Variants in GPATCH1 observed in about 807,000 individuals in gnomAD.
GPATCH1 encodes G patch domain-containing protein 1.
Under a neutral mutation model 114.9 loss-of-function variants are expected in GPATCH1, and 73 were observed. The ratio of observed to expected loss-of-function variants is 0.64; its 90% CI spans 0.53 to 0.77. The LOEUF (loss-of-function observed/expected upper bound fraction) is 0.77. GPATCH1 is among the 30% of genes least tolerant of loss of function. GPATCH1 has a pLI of 0.00. For synonymous variants in GPATCH1, 391 were observed against 428.4 expected (o/e 0.91, Z 1.08); for missense variants, 1,058 against 1,144.3 (o/e 0.92, Z 1.09).
chr19:33,103,765 C>G (rs1303039021), intron 9 of GPATCH1, among the ~76,000 whole-genome samples: 1 of 152,066 alleles, frequency 6.6e-6, no homozygotes, highest in East Asian at 1.9e-4. Context: ...CTCACTGGTC[C>G]TTAGGATAAA....
intron 19 of GPATCH1, among the ~76,000 whole-genome samples, chr19:33,129,909 G>A (rs1017837439): frequency 1.1e-4 from 16 of 149,156 alleles, no homozygotes; most frequent in African/African-American, 3.7e-4. Context: ...GCACCACTGC[G>A]CTCCAGCCTG....
chr19:33,090,176 G>A (rs538343050), intron 2 of GPATCH1, among the ~76,000 whole-genome samples: 2 of 152,284 alleles, frequency 1.3e-5, no homozygotes, highest in South Asian at 4.1e-4. Context: ...CGGTAACCGT[G>A]GTCAGGGAAC....
At position 33,109,633 on chromosome 19, in the gene GPATCH1, G is replaced by C. The variant is rs1972826680; in HGVS notation, c.1286-84G>C. 3.8e-6 allele frequency: 3 copies of C among 786,490 alleles called. No homozygotes were observed. The East Asian group carries it at 8.3e-5, about 22-fold the overall frequency. 48.7% of individuals were successfully genotyped at this position (786,490 alleles called of 1,614,324 possible). A position where few individuals can be genotyped will look rare whatever the true frequency, so the allele number is the denominator to read the frequency against. On this transcript the variant is annotated intron_variant, in intron 10 of 19. Transcript: ENST00000170564. ...CTCATCCCCAATTATGTAAATTTGT[G>C]TTATTGAAATGTATGTACAGAGAAA...
intron 17 of GPATCH1, among the ~76,000 whole-genome samples, chr19:33,121,983 T>C (rs1232231345): frequency 6.6e-6 from 1 of 152,168 alleles, no homozygotes; most frequent in African/African-American, 2.4e-5. Context: ...GCAGTGAATG[T>C]ATTTCTTATT....
intron 9 of GPATCH1, among the ~76,000 whole-genome samples, chr19:33,102,397 ATTTTTT>A (rs35403942): frequency 7.4e-6 from 1 of 135,260 alleles, no homozygotes; most frequent in Non-Finnish European, 1.6e-5. Flanking sequence ...TCTAATTTCT[ATTTTTT>A]TTTTTTTTTT....
In GPATCH1 at chr19:33,112,586, G is replaced by T. The variant is rs746949983; in HGVS notation, c.1865G>T (p.Arg622Ile). 2 of 1,613,974 alleles carry T rather than the reference G, an allele frequency of 1.2e-6. No homozygotes were observed. Among genetic ancestry groups the T allele is most frequent in the South Asian group, 1.1e-5 (1 of 91,074 alleles). The change falls in exon 13 of 20, where the codon AGA (arginine) becomes ATA (isoleucine). Residue 622 changes from arginine to isoleucine, a missense_variant. By Grantham distance (97) the Arg-to-Ile change is moderately conservative (BLOSUM62 -3). This residue lies in a region of GPATCH1 where 893 missense variants were observed against 977.4 expected (regional missense o/e 0.91). Coordinates refer to ENST00000170564, the MANE Select transcript of GPATCH1 (RefSeq NM_018025.3). ...EWHPDKLLCK[R>I]FNVPDPYPDS... ...CACCCTGACAAGCTTCTATGTAAGA[G>T]ATTTAATGTCCCTGACCCTTATCCA...
intron 1 of GPATCH1, among the ~76,000 whole-genome samples, chr19:33,085,186 G>A (rs889438813): frequency 6.6e-6 from 1 of 152,068 alleles, no homozygotes; most frequent in African/African-American, 2.4e-5. Context: ...CTCTAGAAGG[G>A]CTGCTTGCAT....
chr19:33,117,894 G>T lies in GPATCH1; in HGVS notation c.2266G>T (p.Ala756Ser). Residue 756 changes from alanine (A) to serine (S), a missense_variant, in exon 16 of 20, where the codon GCC (alanine) becomes TCC (serine). By Grantham distance (99) the Ala-to-Ser change is moderately conservative. Transcript: ENST00000170564. ...GSRPSMDLFR[A>S]IFASSSDEKS... ...CCGCCCATCCATGGACTTATTCAGG[G>T]CCATCTTTGCCAGTTCCTCAGATGA... 6.2e-7 allele frequency: 1 copy of T among 1,613,840 alleles called. No individual in the cohort carries two copies. Among genetic ancestry groups the T allele is most frequent in the Non-Finnish European group, 8.5e-7 (1 of 1,179,836 alleles).
intron 1 of GPATCH1, among the ~76,000 whole-genome samples, chr19:33,086,470 T>G (rs147004141): frequency 6.6e-6 from 1 of 152,178 alleles, no homozygotes; most frequent in Non-Finnish European, 1.5e-5. Context: ...ATGACAAATT[T>G]TTTTTCTTTT....
rs763358446 is a variant in GPATCH1, at chr19:33,081,224, G to T, written c.31G>T (p.Asp11Tyr). MAARDSDSEE[D>Y]LVSYGTGLEP... ...GGCGCGGGACAGTGACAGCGAAGAA[G>T]ATCTGGTCAGCTATGGGACCGGGCT... Residue 11 changes from aspartate (D) to tyrosine (Y), a missense_variant, in exon 1 of 20, where the codon GAT becomes TAT. Around this residue, in one of 3 missense-constraint regions of GPATCH1, gnomAD observed 131 missense variants for 107.2 expected, o/e 1.22. Transcript: ENST00000170564. The T allele has an allele frequency of 3.4e-5, 53 of 1,551,742 alleles. No individual in the cohort carries two copies. In the South Asian group the frequency reaches 4.5e-4, roughly 13 times the overall value.
intron 17 of GPATCH1, among the ~76,000 whole-genome samples, chr19:33,123,985 T>A (rs1973013319): frequency 6.6e-6 from 1 of 151,892 alleles, no homozygotes; most frequent in African/African-American, 2.4e-5. Flanking sequence ...TCCTGAGTAG[T>A]GGGGATTACA....
At chr19:33,087,172 C>T (rs1219167971) in intron 1 of GPATCH1, among the ~76,000 whole-genome samples, 2 of 152,186 alleles carry the variant, frequency 1.3e-5, no homozygotes, top group Non-Finnish European at 2.9e-5. Flanking sequence ...TGAAACTCCA[C>T]TGTGACTCTC....
At chr19:33,093,623 T>C in intron 4 of GPATCH1, 104 bp downstream of exon 4, 1 of 1,090,688 alleles carries the variant, frequency 9.2e-7, no homozygotes, top group Non-Finnish European at 1.3e-6. Flanking sequence ...CAAGCCTTCT[T>C]AGGCTCAAAG....
At chr19:33,129,251 AAAAAG>A (rs1402640189) in intron 19 of GPATCH1, among the ~76,000 whole-genome samples, 1 of 151,726 alleles carries the variant, frequency 6.6e-6, no homozygotes. Context: ...TCAAAAAAAA[AAAAAG>A]AAAAGAAATT....
intron 4 of GPATCH1, among the ~76,000 whole-genome samples, chr19:33,093,797 G>A (rs923363585): frequency 2.0e-5 from 3 of 152,090 alleles, no homozygotes; most frequent in Non-Finnish European, 4.4e-5. Context: ...TTATAGCCTC[G>A]CCTCTGTCTG....
chr19:33,109,506 C>T (rs1246956663), intron 10 of GPATCH1, among the ~76,000 whole-genome samples: 2 of 152,088 alleles, frequency 1.3e-5, no homozygotes, highest in East Asian at 3.9e-4. Flanking sequence ...GAGCGAGACT[C>T]CATCTAAAAT....
At chr19:33,093,603 G>C (rs758402180) in intron 4 of GPATCH1, 84 bp downstream of exon 4, 8 of 1,284,970 alleles carry the variant, frequency 6.2e-6, no homozygotes, top group Non-Finnish European at 8.7e-6. Flanking sequence ...TAGTTTGATT[G>C]CAAGTGAGAC....
At chr19:33,103,265 A>T (rs780610188) in intron 9 of GPATCH1, among the ~76,000 whole-genome samples, 2 of 152,114 alleles carry the variant, frequency 1.3e-5, no homozygotes, top group Non-Finnish European at 2.9e-5. Flanking sequence ...GACAGTTTTG[A>T]TTTGTTTCAT....
intron 1 of GPATCH1, among the ~76,000 whole-genome samples, chr19:33,087,393 A>T (rs1361879840): frequency 6.6e-6 from 1 of 152,218 alleles, no homozygotes; most frequent in Non-Finnish European, 1.5e-5. Flanking sequence ...ATTAGATTAA[A>T]TTCCCTTGCT....
Sources: allele counts gnomAD v4.1 joint callset (sites outside exome capture counted in the v4.1 genomes callset), GRCh38; gene constraint gnomAD v4.1.1; regional missense constraint gnomAD v4.1.1; transcripts MANE v1.5; gene names NCBI Gene and HGNC (gene_info 2026-07-23, HGNC 2026-07-21).